The following PCDH15 variants were observed in gnomAD, a reference collection of about 807,000 sequenced individuals.
PCDH15 encodes the protein protocadherin-15.
PCDH15 carries 129 observed loss-of-function variants against 178.5 expected under a neutral mutation model. The ratio of observed to expected loss-of-function variants is 0.72; its 90% CI spans 0.63 to 0.84. The LOEUF (loss-of-function observed/expected upper bound fraction) is 0.84. Ranked by LOEUF, PCDH15 falls within the 40% of genes least tolerant of loss-of-function variation. The pLI is 0.00. For missense variants in PCDH15, 2,230 were observed against 2,099.9 expected (o/e 1.06, Z -1.21); for synonymous variants, 800 against 732.0 (o/e 1.09, Z -1.50).
chr10:54,010,130 A>G (rs1163991560), intron 20 of PCDH15, among the ~76,000 whole-genome samples: 1 of 151,092 alleles, frequency 6.6e-6, no homozygotes, highest in Non-Finnish European at 1.5e-5. Context: ...TCCCAGAGGG[A>G]GAGGCTGGCT....
intron 26 of PCDH15, among the ~76,000 whole-genome samples, chr10:53,872,614 C>T (rs12762435): frequency 0.064 from 9,725 of 152,200 alleles, 373 homozygotes; most frequent in East Asian, 0.1. Flanking sequence ...CTGAAGAGGG[C>T]GCAGAGAAAT....
At chr10:54,813,366 T>C (rs1259186092) in intron 3 of PCDH15, among the ~76,000 whole-genome samples, 2 of 152,156 alleles carry the variant, frequency 1.3e-5, no homozygotes, top group Non-Finnish European at 2.9e-5. Context: ...TCCATGTGGT[T>C]ATACCAGAAA....
At chr10:55,397,541 C>T (rs574648324) in intron 2 of PCDH15, among the ~76,000 whole-genome samples, 1 of 152,048 alleles carries the variant, frequency 6.6e-6, no homozygotes, top group South Asian at 2.1e-4. Context: ...TTTTATTTTA[C>T]TCTTCATTTG....
At chr10:54,565,810 C>T (rs753266715) in intron 2 of PCDH15, among the ~76,000 whole-genome samples, 20 of 152,216 alleles carry the variant, frequency 1.3e-4, no homozygotes, top group Admixed American at 2.6e-4. Context: ...GAAGGCCAGG[C>T]GCGGTGGCTC....
chr10:55,012,988 T>TA (rs1316505542), intron 2 of PCDH15, among the ~76,000 whole-genome samples: 1 of 152,172 alleles, frequency 6.6e-6, no homozygotes, highest in Non-Finnish European at 1.5e-5. Flanking sequence ...ATTAAAGACA[T>TA]AATTTATCTC....
At chr10:54,705,970 G>A (rs1349746386) in intron 1 of PCDH15, among the ~76,000 whole-genome samples, 1 of 152,046 alleles carries the variant, frequency 6.6e-6, no homozygotes. Flanking sequence ...GTGGAGATTA[G>A]GCATCTTAAA....
chr10:54,285,064 A>G (rs1376437344), intron 8 of PCDH15, among the ~76,000 whole-genome samples: 1 of 152,236 alleles, frequency 6.6e-6, no homozygotes, highest in East Asian at 1.9e-4. Flanking sequence ...TTAAACCATA[A>G]ATATTTTTCA....
At chr10:54,082,397 T>C (rs911706535) in intron 16 of PCDH15, among the ~76,000 whole-genome samples, 5 of 152,108 alleles carry the variant, frequency 3.3e-5, no homozygotes, top group African/African-American at 1.2e-4. Context: ...TACTGGGGAA[T>C]ACAGAATAAT....
chr10:54,321,167 A>C (rs559681421), intron 7 of PCDH15, among the ~76,000 whole-genome samples: 1 of 145,006 alleles, frequency 6.9e-6, no homozygotes, highest in Non-Finnish European at 1.5e-5. Context: ...ATATTTGAAA[A>C]TTTTTTTATT....
chr10:54,185,016 A>AT (rs1294966563), intron 12 of PCDH15, 118 bp downstream of exon 12: 17 of 1,224,660 alleles, frequency 1.4e-5, no homozygotes, highest in Non-Finnish European at 1.6e-5. Context: ...AAAATAATGT[A>AT]TTTTTCCCCC....
At chr10:55,510,843 C>CTA (rs1181119260) in intron 2 of PCDH15, among the ~76,000 whole-genome samples, 2 of 148,674 alleles carry the variant, frequency 1.3e-5, no homozygotes, top group East Asian at 3.9e-4. Context: ...CACATATATA[C>CTA]TATATATATA....
chr10:55,043,562 T>G (rs1840921416), intron 2 of PCDH15, among the ~76,000 whole-genome samples: 2 of 151,380 alleles, frequency 1.3e-5, no homozygotes, highest in African/African-American at 4.9e-5. Context: ...TAAAAAAAAA[T>G]AACTTGTCAC....
In PCDH15 at chr10:54,751,384, C is replaced by A. The variant is rs535914710; in HGVS notation, c.-29+49541G>T. ...CCAGTTTATCTTGCTGTTGCTCAAA[C>A]AGGTGTGCTTTTAAATTTGCTTATA... On this transcript the variant is annotated intron_variant, in intron 1 of 37. Transcript: ENST00000644397. 9.9e-5 allele frequency among the ~76,000 whole-genome samples: 15 copies of A among 152,226 alleles called. 1 individual carries two copies. The South Asian group carries it at 3.1e-3, about 32-fold the overall frequency.
At chr10:55,502,610 C>A (rs1395663938) in intron 2 of PCDH15, among the ~76,000 whole-genome samples, 1 of 151,618 alleles carries the variant, frequency 6.6e-6, no homozygotes, top group Non-Finnish European at 1.5e-5. Context: ...AACAGTCAGT[C>A]GGTATTTTCT....
At chr10:54,509,422 G>A (rs1223292891) in intron 3 of PCDH15, among the ~76,000 whole-genome samples, 1 of 152,066 alleles carries the variant, frequency 6.6e-6, no homozygotes, top group Non-Finnish European at 1.5e-5. Context: ...ATGATTGTGA[G>A]GCCTCCCCAG....
chr10:54,076,003 T>C (rs1344920681), intron 17 of PCDH15, among the ~76,000 whole-genome samples: 1 of 152,162 alleles, frequency 6.6e-6, no homozygotes, highest in African/African-American at 2.4e-5. Flanking sequence ...ATAACATCAT[T>C]GGGATTTTAA....
intron 8 of PCDH15, among the ~76,000 whole-genome samples, chr10:54,292,258 A>G (rs1315299777): frequency 2.0e-5 from 3 of 152,230 alleles, no homozygotes. Context: ...AAGACCTTCA[A>G]CAAAATTCAA....
At chr10:55,173,420 T>C (rs886982370) in intron 1 of PCDH15, among the ~76,000 whole-genome samples, 2 of 151,832 alleles carry the variant, frequency 1.3e-5, no homozygotes, top group Non-Finnish European at 2.9e-5. Flanking sequence ...TAAAAATTTA[T>C]ATGCCCATTC....
chr10:55,123,124 TA>T (rs1462030667), intron 2 of PCDH15, among the ~76,000 whole-genome samples: 6 of 151,986 alleles, frequency 3.9e-5, no homozygotes, highest in Non-Finnish European at 7.4e-5. Context: ...TATTTAATTT[TA>T]AAGATAAATA....
Sources: allele counts gnomAD v4.1 joint callset (sites outside exome capture counted in the v4.1 genomes callset), GRCh38; gene constraint gnomAD v4.1.1; transcripts MANE v1.5; gene names NCBI Gene and HGNC (gene_info 2026-07-23, HGNC 2026-07-21).